Variants in PHACTR2 observed in about 807,000 individuals in gnomAD.
The protein encoded by PHACTR2 is chromosome 6 open reading frame 56.
A neutral mutation model predicts 76.0 loss-of-function variants in PHACTR2; 30 were observed. The ratio of observed to expected loss-of-function variants is 0.39; its 90% confidence interval spans 0.30 to 0.54. The LOEUF is 0.54. Among genes scored for constraint, PHACTR2 ranks in the 20% least tolerant of loss-of-function variants. The pLI, the probability that PHACTR2 is intolerant of heterozygous loss-of-function variation, is 0.61. For synonymous variants in PHACTR2, 292 were observed against 292.5 expected, an observed-to-expected ratio of 1.00 and a Z score of 0.02; for missense variants, 696 against 781.1, an observed-to-expected ratio of 0.89 and a Z score of 1.30.
At chr6:143,576,102 T>G (rs190369320) in intron 1 of PHACTR2, among the ~76,000 whole-genome samples, 1 of 152,372 alleles carries the variant, frequency 6.6e-6, no homozygotes, top group African/African-American at 2.4e-5. Context: ...CAAAGGGTTT[T>G]TCTTTATCTT....
rs1311683873 is a variant in PHACTR2 at position 143,751,142 on chromosome 6, C to T, written c.295+2077C>T. Among the ~76,000 whole-genome samples the T allele has an allele frequency of 6.6e-6, 1 of 152,202 alleles. No individual in the cohort carries two copies. Among genetic ancestry groups the T allele is most frequent in the African/African-American group, 2.4e-5 (1 of 41,442 alleles). On this transcript the variant is annotated intron_variant, in intron 3 of 12. Coordinates refer to ENST00000440869, the MANE Select transcript of PHACTR2 (RefSeq NM_001100164.2). The surrounding 1 kb of genome is among the most constrained non-coding windows in gnomAD (Gnocchi z 5.7). ...CATTGTTTGCCTTGATCTTCTTGAC[C>T]TTGCGTCTGCTCTTGACAGTGCCTG...
Position 143,722,233 on chromosome 6 carries a change from C to T in PHACTR2, c.214+10050C>T, listed in dbSNP as rs1410589675. ...TATAACAATATATTTTCTGTTCTTT[C>T]TCTGTACCCTCATGTGGATATATGT... is the stretch of plus-strand genomic sequence containing the variant. On this transcript the variant is annotated intron_variant, in intron 2 of 12. Transcript: ENST00000440869. This position sits in a 1 kb window ranked among gnomAD's most constrained non-coding sequence, Gnocchi z 4.1. Among the ~76,000 whole-genome samples, 1 of 152,048 alleles carries T rather than the reference C, an allele frequency of 6.6e-6. No homozygotes were observed. Among genetic ancestry groups the T allele is most frequent in the East Asian group, 1.9e-4 (1 of 5,194 alleles).
rs1776189795 is a variant in PHACTR2, at chr6:143,623,146, T to C, written c.13+14824T>C. On this transcript the variant is annotated intron_variant, in intron 1 of 11. Transcript: ENST00000305766. This position sits in a 1 kb window ranked among gnomAD's most constrained non-coding sequence, Gnocchi z 5.9. ...GCAATTTTTAAAAATAGCATATTTT[T>C]AGACATGATTTAGTATATGTATTTT... Among the ~76,000 whole-genome samples, 1 of 152,194 alleles carries C rather than the reference T, an allele frequency of 6.6e-6. No homozygotes were observed. Among genetic ancestry groups the C allele is most frequent in the African/African-American group, 2.4e-5 (1 of 41,448 alleles).
chr6:143,815,549 G>A (rs1282522763), intron 12 of PHACTR2, among the ~76,000 whole-genome samples: 2 of 152,196 alleles, frequency 1.3e-5, no homozygotes, highest in Non-Finnish European at 2.9e-5. Flanking sequence ...GTACAAGAAA[G>A]TAATATTTTA....
chr6:143,627,138 A>G lies in PHACTR2; in HGVS notation c.13+18816A>G, dbSNP rs1423859129. On this transcript the variant is annotated intron_variant, in intron 1 of 11. Coordinates refer to the PHACTR2 transcript ENST00000305766. This position sits in a 1 kb window ranked among gnomAD's most constrained non-coding sequence, Gnocchi z 4.3. ...TAGGTATCTATGAACCAAACAAGTT[A>G]GAAGGTCCAGGAGGGAAGTGCCACT... Among the ~76,000 whole-genome samples, 3 of 152,202 alleles carry G rather than the reference A, an allele frequency of 2.0e-5. No homozygotes were observed. Among genetic ancestry groups the G allele is most frequent in the African/African-American group, 7.2e-5 (3 of 41,462 alleles).
rs192566338 is a variant in PHACTR2 at position 143,664,489 on chromosome 6, A to C, written c.14-47527A>C. ...TTCTTCAATTTTCTTTCATTTTCTCATTATTTGGATTAGTGAAGCTTTCTT... is the reference window on the plus strand; with the variant it reads ...TTCTTCAATTTTCTTTCATTTTCTCCTTATTTGGATTAGTGAAGCTTTCTT... On this transcript the variant is annotated intron_variant, in intron 1 of 11. Transcript: ENST00000305766. This position sits in a 1 kb window ranked among gnomAD's most constrained non-coding sequence, Gnocchi z 5.1. 9.6e-4 allele frequency among the ~76,000 whole-genome samples: 146 copies of C among 152,078 alleles called. No homozygotes were observed. Among genetic ancestry groups the C allele is most frequent in the African/African-American group, 3.3e-3 (137 of 41,502 alleles).
rs1778978325 is a variant in PHACTR2, at chr6:143,743,005, C to T, written c.215-5980C>T. 6.6e-6 allele frequency among the ~76,000 whole-genome samples: 1 copy of T among 152,144 alleles called. No individual in the cohort carries two copies. The highest frequency in any genetic ancestry group is 1.5e-5 in the Non-Finnish European group (1 of 68,034). On this transcript the variant is annotated intron_variant, in intron 2 of 12. Transcript: ENST00000440869. The surrounding 1 kb of genome is among the most constrained non-coding windows in gnomAD (Gnocchi z 5.0). ...TTAACCTATTTAGTCTCCAAAAGAA[C>T]CAGGAAAGTAGTTGCTATCTCTCCA...
rs1486836864 is a variant in PHACTR2 at position 143,602,298 on chromosome 6, C to T, written c.217+65091C>T. On this transcript the variant is annotated intron_variant, in intron 1 of 11. Coordinates refer to the PHACTR2 transcript ENST00000367584. This position sits in a 1 kb window ranked among gnomAD's most constrained non-coding sequence, Gnocchi z 6.1. The stretch of plus-strand genomic sequence containing the variant: ...TGCCGATCCAGTATTTAGGGACCCA[C>T]GTGAAGCTTAGTTAATTATTGATTA... 2.6e-5 allele frequency among the ~76,000 whole-genome samples: 4 copies of T among 152,170 alleles called. No homozygotes were observed. Among genetic ancestry groups the T allele is most frequent in the Non-Finnish European group, 1.5e-5 (1 of 68,036 alleles).
In PHACTR2 at chr6:143,553,625, C is replaced by T. The variant is rs1374019422; in HGVS notation, c.217+16418C>T. ...GTTAAGGTCATTCTAGAGATGCAGG[C>T]CTTGAGCTGTTAGAAACTGTATTCA... On this transcript the variant is annotated intron_variant, in intron 1 of 11. Coordinates refer to the PHACTR2 transcript ENST00000367584. The surrounding 1 kb of genome is among the most constrained non-coding windows in gnomAD (Gnocchi z 4.2). Among the ~76,000 whole-genome samples the T allele has an allele frequency of 6.6e-6, 1 of 152,140 alleles. No homozygotes were observed. Among genetic ancestry groups the T allele is most frequent in the Non-Finnish European group, 1.5e-5 (1 of 68,030 alleles).
chr6:143,588,023 T>G (rs1026357981), intron 1 of PHACTR2, among the ~76,000 whole-genome samples: 1 of 146,998 alleles, frequency 6.8e-6, no homozygotes. Flanking sequence ...TAAAATAAAA[T>G]AAAATAAAAT....
rs1247476007 is a variant in PHACTR2, at chr6:143,738,176, C to T, written c.215-10809C>T. 6.6e-6 allele frequency among the ~76,000 whole-genome samples: 1 copy of T among 152,068 alleles called. No individual in the cohort carries two copies. The highest frequency in any genetic ancestry group is 2.4e-5 in the African/African-American group (1 of 41,408). On this transcript the variant is annotated intron_variant, in intron 2 of 12. Transcript: ENST00000440869. This position sits in a 1 kb window ranked among gnomAD's most constrained non-coding sequence, Gnocchi z 4.0. The stretch of plus-strand genomic sequence containing the variant: ...CCTGTAATCCTAGCACTTTGGGAGT[C>T]CTAGGCAGGCGGATCACAAGGTCAG...
chr6:143,806,972 A>AAT lies in PHACTR2; in HGVS notation c.1846-85_1846-84insAT. ...ACTCTATCTCTTAAAAAAAAAAAAA[A>AAT]GGTCTGCTTCATTGATGCTGTATAT... On this transcript the variant is annotated intron_variant, in intron 11 of 12. Transcript: ENST00000440869. The surrounding 1 kb of genome is among the most constrained non-coding windows in gnomAD (Gnocchi z 5.8). 1 of 626,786 alleles carries AAT rather than the reference A, an allele frequency of 1.6e-6. No individual in the cohort carries two copies. Among genetic ancestry groups the AAT allele is most frequent in the Non-Finnish European group, 2.7e-6 (1 of 363,668 alleles). The allele number at this position is 626,786 out of a possible 1,614,324, so 38.8% of individuals were successfully genotyped here. A position where few individuals can be genotyped will look rare whatever the true frequency, so the allele number is the denominator to read the frequency against.
At position 143,826,698 on chromosome 6, in the gene PHACTR2, A is replaced by G. The variant is rs1410354149; in HGVS notation, c.*3009A>G. On this transcript the variant is annotated 3_prime_UTR_variant, in exon 13 of 13. Coordinates refer to ENST00000440869, the MANE Select transcript of PHACTR2 (RefSeq NM_001100164.2). ...CAGTCTGACAAAATAGTTCTCTGGT[A>G]GTCAGCATTCATTTAAGGCAGCTTG... 6.6e-6 allele frequency: 1 copy of G among 152,216 alleles called. No homozygotes were observed. The highest frequency in any genetic ancestry group is 2.4e-5 in the African/African-American group (1 of 41,458). 9.4% of individuals were successfully genotyped at this position (152,216 alleles called of 1,614,324 possible).
chr6:143,565,604 CAAAA>C (rs556657528), intron 1 of PHACTR2, among the ~76,000 whole-genome samples: 23 of 105,940 alleles, frequency 2.2e-4, no homozygotes, highest in East Asian at 2.8e-4. Flanking sequence ...GACTCCGTCT[CAAAA>C]AAAAAAAAAA....
In PHACTR2 at chr6:143,562,950, A is replaced by G. The variant is rs1185643877; in HGVS notation, c.217+25743A>G. On this transcript the variant is annotated intron_variant, in intron 1 of 11. Transcript: ENST00000367584. This position sits in a 1 kb window ranked among gnomAD's most constrained non-coding sequence, Gnocchi z 5.1. ...AGGCAAATTCCTAGAGATAGAAAATAGAGTATAAGCTTCTAGGGGCTGGAG... is the reference window on the plus strand; with the variant it reads ...AGGCAAATTCCTAGAGATAGAAAATGGAGTATAAGCTTCTAGGGGCTGGAG... 1.3e-5 allele frequency among the ~76,000 whole-genome samples: 2 copies of G among 152,216 alleles called. No individual in the cohort carries two copies. The highest frequency in any genetic ancestry group is 6.5e-5 in the Admixed American group (1 of 15,276).
rs1215093832 is a variant in PHACTR2 at position 143,816,325 on chromosome 6, A to G, written c.1923-7349A>G. ...AAAATACCGAGAAATAACAAACTGA[A>G]GAGTATTTTGCATTTTCAGTACCTC... is the stretch of plus-strand genomic sequence containing the variant. On this transcript the variant is annotated intron_variant, in intron 12 of 12. Coordinates refer to ENST00000440869, the MANE Select transcript of PHACTR2 (RefSeq NM_001100164.2). This position sits in a 1 kb window ranked among gnomAD's most constrained non-coding sequence, Gnocchi z 4.5. Among the ~76,000 whole-genome samples the G allele has an allele frequency of 4.6e-5, 7 of 152,208 alleles. No homozygotes were observed.
intron 2 of PHACTR2, among the ~76,000 whole-genome samples, chr6:143,717,585 T>C (rs1179665586): frequency 6.6e-6 from 1 of 151,178 alleles, no homozygotes; most frequent in Non-Finnish European, 1.5e-5. Flanking sequence ...TTTTTTTTGG[T>C]GGGGGAAGGG....
rs1778896139 is a variant in PHACTR2 at position 143,739,608 on chromosome 6, C to G, written c.215-9377C>G. 6.6e-6 allele frequency among the ~76,000 whole-genome samples: 1 copy of G among 152,144 alleles called. No individual in the cohort carries two copies. Among genetic ancestry groups the G allele is most frequent in the East Asian group, 1.9e-4 (1 of 5,200 alleles). On this transcript the variant is annotated intron_variant, in intron 2 of 12. Transcript: ENST00000440869. The surrounding 1 kb of genome is among the most constrained non-coding windows in gnomAD (Gnocchi z 4.3). ...GGCATTCGTGTTTCTTATGAGTTTG[C>G]GAGAGTCCGAGTGAAGGGGAAGGAC...
chr6:143,818,246 TCAAATAGAAGTACAG>T lies in PHACTR2; in HGVS notation c.1923-5427_1923-5413del, dbSNP rs1159305275. Among the ~76,000 whole-genome samples the T allele has an allele frequency of 1.3e-5, 2 of 152,130 alleles. No homozygotes were observed. The highest frequency in any genetic ancestry group is 2.9e-5 in the Non-Finnish European group (2 of 68,012). On this transcript the variant is annotated intron_variant, in intron 12 of 12. Coordinates refer to ENST00000440869, the MANE Select transcript of PHACTR2 (RefSeq NM_001100164.2). The surrounding 1 kb of genome is among the most constrained non-coding windows in gnomAD (Gnocchi z 4.9). Reference sequence around the variant, plus strand: ...CAGAGAACACCAGAAAATCACCCCTTCAAATAGAAGTACAGATGAAGACATGTTTTGATCTCATAC... The same window carrying T: ...CAGAGAACACCAGAAAATCACCCCTTATGAAGACATGTTTTGATCTCATAC...
Sources: gnomAD v4.1 joint callset for allele counts (sites outside exome capture counted in the v4.1 genomes callset) on GRCh38, gnomAD v4.1.1 for gene constraint, Gnocchi (gnomAD v3.1) non-coding constraint, MANE v1.5 for transcripts, NCBI Gene and HGNC (gene_info 2026-07-23, HGNC 2026-07-21) for gene names.